FSHR: variants seen among roughly 807,000 people sequenced by gnomAD.
The protein encoded by FSHR is follicle-stimulating hormone receptor.
Under a neutral mutation model 52.1 loss-of-function variants are expected in FSHR, and 46 were observed. That is an observed-to-expected ratio of 0.88 (90% confidence interval 0.70 to 1.13). FSHR has a LOEUF of 1.13. FSHR is among the 50% of genes most tolerant of loss of function. The pLI is 0.00. For missense variants in FSHR, 964 were observed against 834.6 expected (o/e 1.16, Z -1.91); for synonymous variants, 399 against 309.6 (o/e 1.29, Z -3.03).
rs1674344054 is a variant in FSHR, at chr2:48,963,740, C to T, written c.1081G>A (p.Gly361Arg). 1.2e-6 allele frequency: 2 copies of T among 1,614,110 alleles called. No homozygotes were observed. The highest frequency in any genetic ancestry group is 1.7e-6 in the Non-Finnish European group (2 of 1,179,998). ...ATCAGGACTCTGAGGATGTTGTACC[C>T]CATGATATCTTCACATGGGTTGAAT... ...DAFNPCEDIM[G>R]YNILRVLIWF... Residue 361 changes from glycine (G) to arginine (R), a missense_variant, in exon 10 of 10, where the codon GGG (glycine) becomes AGG (arginine). Gly to Arg is a moderately radical substitution (Grantham distance 125, BLOSUM62 -2). Coordinates refer to ENST00000406846, the MANE Select transcript of FSHR (RefSeq NM_000145.4).
chr2:49,072,888 A>G (rs1572707158), intron 1 of FSHR, among the ~76,000 whole-genome samples: 1 of 152,174 alleles, frequency 6.6e-6, no homozygotes, highest in African/African-American at 2.4e-5. Context: ...TTAACATTGT[A>G]AACTCTGCTT....
chr2:49,009,774 A>G (rs967838818), intron 4 of FSHR, among the ~76,000 whole-genome samples: 3 of 140,678 alleles, frequency 2.1e-5, no homozygotes, highest in African/African-American at 2.5e-5. Flanking sequence ...TAGGTATTTT[A>G]TTCTCTTTGA....
At chr2:49,101,780 C>T (rs1671036517) in intron 1 of FSHR, among the ~76,000 whole-genome samples, 1 of 152,152 alleles carries the variant, frequency 6.6e-6, no homozygotes, top group Admixed American at 6.6e-5. Flanking sequence ...AAATTTACTT[C>T]TTACATTTAT....
intron 4 of FSHR, among the ~76,000 whole-genome samples, chr2:48,992,669 C>G (rs1463933888): frequency 6.6e-6 from 1 of 151,632 alleles, no homozygotes; most frequent in Non-Finnish European, 1.5e-5. Context: ...ATTGGTGGAG[C>G]TTTCTATTCC....
chr2:49,059,249 T>A (rs762069480), intron 2 of FSHR, among the ~76,000 whole-genome samples: 2 of 151,774 alleles, frequency 1.3e-5, no homozygotes, highest in African/African-American at 2.4e-5. Flanking sequence ...AACAATGCCG[T>A]CATTCACAGA....
intron 2 of FSHR, among the ~76,000 whole-genome samples, chr2:49,035,009 A>G (rs965343456): frequency 3.3e-5 from 5 of 152,226 alleles, no homozygotes; most frequent in Admixed American, 2.6e-4. Context: ...CCCCTCACGC[A>G]ATGCTGCAGA....
At chr2:49,083,359 A>G (rs1236520079) in intron 1 of FSHR, among the ~76,000 whole-genome samples, 2 of 151,672 alleles carry the variant, frequency 1.3e-5, no homozygotes, top group South Asian at 4.2e-4. Context: ...TAAACATGGA[A>G]AGGAACAACC....
intron 2 of FSHR, among the ~76,000 whole-genome samples, chr2:49,044,350 G>A (rs1668583218): frequency 6.6e-6 from 1 of 152,098 alleles, no homozygotes; most frequent in South Asian, 2.1e-4. Flanking sequence ...ACCTTCCCTG[G>A]TTCCTTTTAT....
intron 1 of FSHR, among the ~76,000 whole-genome samples, chr2:49,108,716 T>A (rs1671323215): frequency 6.6e-6 from 1 of 152,130 alleles, no homozygotes; most frequent in South Asian, 2.1e-4. Flanking sequence ...AGGGTGGCTT[T>A]TGAGAACATT....
intron 2 of FSHR, among the ~76,000 whole-genome samples, chr2:49,027,999 G>C (rs931170982): frequency 9.2e-5 from 14 of 152,124 alleles, no homozygotes; most frequent in African/African-American, 2.7e-4. Context: ...CAAGGAGTTT[G>C]GTAGGTAGTA....
At chr2:49,118,572 A>C (rs1469312617) in intron 1 of FSHR, among the ~76,000 whole-genome samples, 1 of 152,192 alleles carries the variant, frequency 6.6e-6, no homozygotes, top group Non-Finnish European at 1.5e-5. Context: ...GCAAAAAAGA[A>C]ACTGCTGAAA....
chr2:48,994,222 G>A (rs1228614458), intron 4 of FSHR, among the ~76,000 whole-genome samples: 1 of 152,092 alleles, frequency 6.6e-6, no homozygotes, highest in Non-Finnish European at 1.5e-5. Flanking sequence ...AACGTTATTT[G>A]GGTAGCAACT....
At chr2:49,000,757 A>G (rs144998622) in intron 4 of FSHR, among the ~76,000 whole-genome samples, 91 of 152,244 alleles carry the variant, frequency 6.0e-4, no homozygotes, top group African/African-American at 2.2e-3. Context: ...GGGACTTTAG[A>G]AAGACCATGT....
At chr2:49,106,542 G>A (rs1279728865) in intron 1 of FSHR, among the ~76,000 whole-genome samples, 2 of 152,124 alleles carry the variant, frequency 1.3e-5, no homozygotes, top group Non-Finnish European at 2.9e-5. Context: ...TCAATTAAGC[G>A]AGAAGAAAGA....
At chr2:49,023,775 T>C (rs1004453230) in intron 2 of FSHR, among the ~76,000 whole-genome samples, 2 of 152,150 alleles carry the variant, frequency 1.3e-5, no homozygotes, top group Admixed American at 6.6e-5. Flanking sequence ...TTAGGGAAGA[T>C]GACTTTTAAG....
At chr2:49,086,650 T>A (rs1024894594) in intron 1 of FSHR, among the ~76,000 whole-genome samples, 1 of 152,220 alleles carries the variant, frequency 6.6e-6, no homozygotes, top group Non-Finnish European at 1.5e-5. Flanking sequence ...TTTTTTAATT[T>A]GTGTTTTTGA....
At chr2:49,095,516 A>C (rs1670791656) in intron 1 of FSHR, among the ~76,000 whole-genome samples, 1 of 152,230 alleles carries the variant, frequency 6.6e-6, no homozygotes, top group Admixed American at 6.5e-5. Context: ...CTAAAACTAT[A>C]AAACTTTTTG....
chr2:49,104,134 G>C (rs184194508), intron 1 of FSHR, among the ~76,000 whole-genome samples: 171 of 152,242 alleles, frequency 1.1e-3, no homozygotes, highest in Middle Eastern at 6.8e-3. Context: ...AGGAAGATTA[G>C]AGTAGATTTA....
intron 1 of FSHR, among the ~76,000 whole-genome samples, chr2:49,072,426 A>ATTAGATTAAAAAAT (rs1669771500): frequency 6.6e-6 from 1 of 152,200 alleles, no homozygotes; most frequent in African/African-American, 2.4e-5. Flanking sequence ...AGAAAAGGAA[A>ATTAGATTAAAAAAT]CAAAAAATTA....
Sources: allele counts gnomAD v4.1 joint callset (sites outside exome capture counted in the v4.1 genomes callset), GRCh38; gene constraint gnomAD v4.1.1; transcripts MANE v1.5; gene names NCBI Gene and HGNC (gene_info 2026-07-23, HGNC 2026-07-21).